The following SLC2A13 variants were observed in gnomAD, a reference collection of about 807,000 sequenced individuals.
The protein encoded by SLC2A13 is proton myo-inositol cotransporter.
A neutral mutation model predicts 64.4 loss-of-function variants in SLC2A13; 32 were observed. That is an observed-to-expected ratio of 0.50 (90% CI 0.37 to 0.67). The LOEUF (loss-of-function observed/expected upper bound fraction) is 0.67, where lower values mean the gene tolerates loss of function less well. SLC2A13 is among the 30% of genes least tolerant of loss of function. The pLI, the probability that SLC2A13 is intolerant of heterozygous loss-of-function variation, is 0.00. For missense variants in SLC2A13, 743 were observed against 829.2 expected, an observed-to-expected ratio of 0.90 and a Z score of 1.28; for synonymous variants, 338 against 327.1, an observed-to-expected ratio of 1.03 and a Z score of -0.36.
intron 3 of SLC2A13, among the ~76,000 whole-genome samples, chr12:39,991,801 C>G: frequency 1.2e-5 from 1 of 81,122 alleles, no homozygotes; most frequent in Non-Finnish European, 2.9e-5. Flanking sequence ...ATTCTACTAT[C>G]TTTTTAAAAA....
chr12:39,942,029 G>T (rs1454199666), intron 4 of SLC2A13, among the ~76,000 whole-genome samples: 1 of 152,048 alleles, frequency 6.6e-6, no homozygotes, highest in Non-Finnish European at 1.5e-5. Context: ...TAAGGATTTG[G>T]GTTTATTTCT....
At chr12:39,861,906 C>T (rs1387040579) in intron 6 of SLC2A13, among the ~76,000 whole-genome samples, 1 of 152,066 alleles carries the variant, frequency 6.6e-6, no homozygotes, top group African/African-American at 2.4e-5. Context: ...GATACATGTG[C>T]AGGACGTGCA....
Position 39,759,521 on chromosome 12 carries a change from A to G in SLC2A13, c.*505T>C, listed in dbSNP as rs1030818935. 1 of 152,998 alleles carries G rather than the reference A, an allele frequency of 6.5e-6. No homozygotes were observed. The highest frequency in any genetic ancestry group is 6.6e-5 in the Admixed American group (1 of 15,246). The allele number at this position is 152,998 out of a possible 1,614,324, so 9.5% of individuals were successfully genotyped here. A position where few individuals can be genotyped will look rare whatever the true frequency, so the allele number is the denominator to read the frequency against. On this transcript the variant is annotated 3_prime_UTR_variant, in exon 10 of 10. Transcript: ENST00000280871. Reference sequence around the variant, plus strand: ...CTTTGGAATTTGTTGATGAAAGCTTACATGGAATTTAGTTTGTAACAGCTG... The same window carrying G: ...CTTTGGAATTTGTTGATGAAAGCTTGCATGGAATTTAGTTTGTAACAGCTG...
Position 39,875,794 on chromosome 12 carries a change from C to T in SLC2A13, c.1035-3833G>A, listed in dbSNP as rs1218589408. On this transcript the variant is annotated intron_variant, in intron 4 of 9. Coordinates refer to ENST00000280871, the MANE Select transcript of SLC2A13 (RefSeq NM_052885.4). Reference sequence around the variant, plus strand: ...GGGAGATACATTTAACTTACAATTACAAAGTACATTCCAATGTTTTCATAA... The same window carrying T: ...GGGAGATACATTTAACTTACAATTATAAAGTACATTCCAATGTTTTCATAA... Among the ~76,000 whole-genome samples, 3 of 152,176 alleles carry T rather than the reference C, an allele frequency of 2.0e-5. No individual in the cohort carries two copies. In the East Asian group the frequency reaches 5.8e-4, roughly 29 times the overall value.
At chr12:39,908,336 TACAG>T (rs1945345347) in intron 4 of SLC2A13, 1 of 151,872 alleles carries the variant, frequency 6.6e-6, no homozygotes, top group Non-Finnish European at 1.5e-5. Flanking sequence ...GGGTTATGAG[TACAG>T]AGACTGTTTT....
intron 7 of SLC2A13, among the ~76,000 whole-genome samples, chr12:39,778,612 A>G (rs1220984598): frequency 6.6e-6 from 1 of 152,056 alleles, no homozygotes; most frequent in Non-Finnish European, 1.5e-5. Flanking sequence ...GTTATTATTA[A>G]CGTATTATTA....
rs530217730 is a variant in SLC2A13, at chr12:39,838,591, C to G, written c.1320-8363G>C. Among the ~76,000 whole-genome samples, 3 of 150,642 alleles carry G rather than the reference C, an allele frequency of 2.0e-5. No homozygotes were observed. In the South Asian group the frequency reaches 6.4e-4, roughly 32 times the overall value. On this transcript the variant is annotated intron_variant, in intron 6 of 9. Transcript: ENST00000280871. ...ATTCATATATTTAGAACAAAACTGGCTCTAAAACCTAAAAATGCTTCCAAT... is the reference window on the plus strand; with the variant it reads ...ATTCATATATTTAGAACAAAACTGGGTCTAAAACCTAAAAATGCTTCCAAT...
chr12:39,944,655 T>C (rs968770363), intron 4 of SLC2A13, among the ~76,000 whole-genome samples: 17 of 152,244 alleles, frequency 1.1e-4, no homozygotes, highest in African/African-American at 3.4e-4. Flanking sequence ...GATATAAGAA[T>C]AGCTACCCCC....
intron 4 of SLC2A13, among the ~76,000 whole-genome samples, chr12:39,943,417 C>T (rs532254045): frequency 6.6e-6 from 1 of 152,340 alleles, no homozygotes; most frequent in East Asian, 1.9e-4. Flanking sequence ...AAGGCCCTGA[C>T]TGGGGCTGCT....
intron 4 of SLC2A13, among the ~76,000 whole-genome samples, chr12:39,947,820 C>G (rs1463729543): frequency 1.3e-5 from 2 of 151,910 alleles, no homozygotes; most frequent in East Asian, 3.9e-4. Context: ...GCCACTATGC[C>G]CAGCTAATTT....
intron 7 of SLC2A13, among the ~76,000 whole-genome samples, chr12:39,803,154 ACCAGCC>A (rs1941853012): frequency 1.3e-5 from 2 of 151,214 alleles, no homozygotes; most frequent in Admixed American, 6.6e-5. Flanking sequence ...TATTCTAGGG[ACCAGCC>A]TATTGGTTGG....
chr12:39,830,497 C>T, intron 6 of SLC2A13: 1 of 1,158,492 alleles, frequency 8.6e-7, no homozygotes, highest in South Asian at 2.8e-5. Context: ...GTAGAAGAGT[C>T]CCCATCAATC....
intron 3 of SLC2A13, among the ~76,000 whole-genome samples, chr12:40,007,136 T>C (rs2136189697): frequency 6.6e-6 from 1 of 152,330 alleles, no homozygotes; most frequent in South Asian, 2.1e-4. Context: ...CTCCCACCTT[T>C]GCTCTGTGGC....
At chr12:39,986,925 G>T (rs1023518211) in intron 3 of SLC2A13, among the ~76,000 whole-genome samples, 3 of 152,118 alleles carry the variant, frequency 2.0e-5, no homozygotes, top group African/African-American at 7.2e-5. Flanking sequence ...CCATCAAAAG[G>T]CATGTTATTT....
chr12:40,022,224 G>A (rs745708249), intron 3 of SLC2A13, among the ~76,000 whole-genome samples: 8 of 152,122 alleles, frequency 5.3e-5, no homozygotes, highest in South Asian at 2.1e-4. Context: ...CAAAGCCAAC[G>A]TTCACCCAGA....
intron 9 of SLC2A13, among the ~76,000 whole-genome samples, chr12:39,764,136 T>TTTG (rs1555233120): frequency 1.3e-5 from 2 of 151,892 alleles, no homozygotes; most frequent in Admixed American, 1.3e-4. Context: ...TGTTTTTTTT[T>TTTG]TTTGTTTGTT....
At chr12:39,840,307 T>C (rs1461937235) in intron 6 of SLC2A13, among the ~76,000 whole-genome samples, 1 of 152,018 alleles carries the variant, frequency 6.6e-6, no homozygotes, top group Non-Finnish European at 1.5e-5. Context: ...GCTCTTCCAA[T>C]AGTCTTCTAA....
intron 3 of SLC2A13, among the ~76,000 whole-genome samples, chr12:40,008,861 G>GA (rs1947469868): frequency 6.6e-6 from 1 of 152,072 alleles, no homozygotes; most frequent in Non-Finnish European, 1.5e-5. Context: ...ATGTGCTCAA[G>GA]AAAACATATA....
At chr12:40,062,488 G>C (rs970614768) in intron 1 of SLC2A13, among the ~76,000 whole-genome samples, 5 of 151,830 alleles carry the variant, frequency 3.3e-5, no homozygotes, top group African/African-American at 1.2e-4. Flanking sequence ...AGAAAAAAAA[G>C]CATATATATC....
Sources: gnomAD v4.1 joint callset for allele counts (sites outside exome capture counted in the v4.1 genomes callset) on GRCh38, gnomAD v4.1.1 for gene constraint, MANE v1.5 for transcripts, NCBI Gene and HGNC (gene_info 2026-07-23, HGNC 2026-07-21) for gene names.